SND1: variants seen among roughly 807,000 people sequenced by gnomAD.
SND1 encodes staphylococcal nuclease and tudor domain containing 1.
A neutral mutation model predicts 121.7 loss-of-function variants in SND1; 38 were observed. The ratio of observed to expected loss-of-function variants is 0.31; its 90% CI spans 0.24 to 0.41. SND1 has a LOEUF of 0.41. SND1 is among the 10% of genes least tolerant of loss of function. SND1 has a pLI of 1.00. For missense variants in SND1, 868 were observed against 1,184.6 expected, an observed-to-expected ratio of 0.73 and a Z score of 3.92; for synonymous variants, 401 against 447.4, an observed-to-expected ratio of 0.90 and a Z score of 1.31.
intron 1 of SND1, among the ~76,000 whole-genome samples, chr7:127,658,266 G>T (rs1330060098): frequency 6.6e-6 from 1 of 152,218 alleles, no homozygotes; most frequent in African/African-American, 2.4e-5. Context: ...AGTGAACTGA[G>T]ATCGAGCCAT....
chr7:127,975,552 A>C (rs1157213091), intron 15 of SND1, among the ~76,000 whole-genome samples: 2 of 152,182 alleles, frequency 1.3e-5, no homozygotes, highest in Middle Eastern at 6.8e-3. Flanking sequence ...GTGATACTAC[A>C]CAAGAATGGC....
intron 13 of SND1, among the ~76,000 whole-genome samples, chr7:127,899,296 A>ACG (rs1800181898): frequency 6.6e-6 from 1 of 152,008 alleles, no homozygotes; most frequent in African/African-American, 2.4e-5. Context: ...ACACACACAC[A>ACG]CACATTATAC....
At chr7:127,799,565 A>G (rs1023754279) in intron 10 of SND1, among the ~76,000 whole-genome samples, 2 of 152,230 alleles carry the variant, frequency 1.3e-5, no homozygotes, top group African/African-American at 4.8e-5. Context: ...TAAGGGAGGT[A>G]GTTATCTTCA....
chr7:127,670,015 G>A, intron 1 of SND1, among the ~76,000 whole-genome samples: 1 of 107,722 alleles, frequency 9.3e-6, no homozygotes, highest in South Asian at 2.8e-4. Context: ...TTTTTTTTTT[G>A]AGACAGAGTC....
Position 127,691,285 on chromosome 7 carries a change from G to A in SND1, c.229-3543G>A, listed in dbSNP as rs148214104. Among the ~76,000 whole-genome samples, 92 of 152,260 alleles carry A rather than the reference G, an allele frequency of 6.0e-4. 3 individuals are homozygous for A. In the East Asian group the frequency reaches 0.018, roughly 30 times the overall value. On this transcript the variant is annotated intron_variant, in intron 2 of 23. Transcript: ENST00000354725. ...TGGCTGGGCGCAGTGGCTTATGCCT[G>A]TAATGCCAGCACTTTGGGAGGCCGA...
intron 16 of SND1, among the ~76,000 whole-genome samples, chr7:128,040,570 AT>A: frequency 6.6e-6 from 1 of 151,948 alleles, no homozygotes; most frequent in Non-Finnish European, 1.5e-5. Flanking sequence ...TCCAGAGAAA[AT>A]TTTAGCATCT....
intron 12 of SND1, among the ~76,000 whole-genome samples, chr7:127,884,132 A>T (rs2116723797): frequency 6.6e-6 from 1 of 152,192 alleles, no homozygotes; most frequent in Admixed American, 6.5e-5. Context: ...GGCCAGTAGG[A>T]GCCAGGACTT....
At chr7:127,724,949 C>A (rs1796555795) in intron 10 of SND1, among the ~76,000 whole-genome samples, 1 of 152,066 alleles carries the variant, frequency 6.6e-6, no homozygotes, top group Non-Finnish European at 1.5e-5. Flanking sequence ...TGCCTTTTGA[C>A]TTAAAGAAAT....
At chr7:127,971,988 T>C (rs1458862048) in intron 15 of SND1, among the ~76,000 whole-genome samples, 3 of 152,090 alleles carry the variant, frequency 2.0e-5, no homozygotes, top group African/African-American at 7.2e-5. Context: ...TTGCCCAGGC[T>C]GGTCTCGAAC....
At chr7:127,779,928 G>A (rs1290609879) in intron 10 of SND1, among the ~76,000 whole-genome samples, 4 of 152,212 alleles carry the variant, frequency 2.6e-5, no homozygotes, top group African/African-American at 7.2e-5. Flanking sequence ...CTCTTACTGA[G>A]CAGCCATAGT....
At chr7:127,699,092 T>C in intron 4 of SND1, 139 bp downstream of exon 4, 2 of 670,580 alleles carry the variant, frequency 3.0e-6, no homozygotes, top group Non-Finnish European at 2.6e-6. Flanking sequence ...TGGATTATTC[T>C]GAGCTAGGAA....
chr7:127,793,698 A>G (rs1797958106), intron 10 of SND1, among the ~76,000 whole-genome samples: 1 of 152,192 alleles, frequency 6.6e-6, no homozygotes, highest in Non-Finnish European at 1.5e-5. Flanking sequence ...GTGTTCTCAC[A>G]GATCAAGGCA....
Position 128,081,371 on chromosome 7 carries a change from C to T in SND1, c.1980C>T (p.His660=). The T allele has an allele frequency of 6.2e-7, 1 of 1,614,174 alleles. No individual in the cohort carries two copies. The highest frequency in any genetic ancestry group is 8.5e-7 in the Non-Finnish European group (1 of 1,180,030). The change falls in exon 18 of 24, where the codon CAC becomes CAT. Residue 660 remains histidine, a synonymous_variant. Coordinates refer to ENST00000354725, the MANE Select transcript of SND1 (RefSeq NM_014390.4). ...AKQKKEKVWA[H]YEEQPVEEVM... is the part of the protein sequence containing the mutation. Reference sequence around the variant, plus strand: ...GACTGAACATGCAGGTCTGGGCCCACTATGAGGAGCAGCCCGTGGAGGAGG... The same window carrying T: ...GACTGAACATGCAGGTCTGGGCCCATTATGAGGAGCAGCCCGTGGAGGAGG...
chr7:127,858,357 C>G, intron 12 of SND1: 1 of 1,354,704 alleles, frequency 7.4e-7, no homozygotes, highest in Admixed American at 1.9e-5. Context: ...TGCCTCAGTG[C>G]CCTAGCCACT....
At chr7:128,011,144 A>C (rs960333671) in intron 16 of SND1, among the ~76,000 whole-genome samples, 3 of 151,896 alleles carry the variant, frequency 2.0e-5, no homozygotes, top group Non-Finnish European at 4.4e-5. Flanking sequence ...TATATAATTA[A>C]TCCTCTCTAA....
chr7:127,985,620 A>G (rs1446510085), intron 15 of SND1, among the ~76,000 whole-genome samples: 1 of 152,228 alleles, frequency 6.6e-6, no homozygotes, highest in East Asian at 1.9e-4. Context: ...CACCAATAAC[A>G]TACCTTTTAC....
Position 127,887,932 on chromosome 7 carries a change from T to G in SND1, c.1374T>G (p.Gly458=), listed in dbSNP as rs995618688. The change falls in exon 13 of 24, where the codon GGT becomes GGG. Residue 458 remains glycine (G), a synonymous_variant. Coordinates refer to ENST00000354725, the MANE Select transcript of SND1 (RefSeq NM_014390.4). ...TTGCTGAGGCTCTTGTCAGCAAAGG[T>G]CTAGCCACAGTGATCAGATACCGGC... ...INIAEALVSK[G]LATVIRYRQD... 4 of 1,612,044 alleles carry G rather than the reference T, an allele frequency of 2.5e-6. No individual in the cohort carries two copies. The highest frequency in any genetic ancestry group is 3.4e-6 in the Non-Finnish European group (4 of 1,178,852).
chr7:128,065,380 G>A (rs545837518), intron 16 of SND1, among the ~76,000 whole-genome samples: 4 of 152,326 alleles, frequency 2.6e-5, no homozygotes, highest in South Asian at 2.1e-4. Context: ...GGCCCCATTG[G>A]GGGGGTCACA....
chr7:127,746,679 T>C (rs146084084), intron 10 of SND1, among the ~76,000 whole-genome samples: 2 of 152,350 alleles, frequency 1.3e-5, no homozygotes, highest in Non-Finnish European at 2.9e-5. Flanking sequence ...CTTTTCTTAC[T>C]AATTCCTTCT....
Sources: allele counts gnomAD v4.1 joint callset (sites outside exome capture counted in the v4.1 genomes callset), GRCh38; gene constraint gnomAD v4.1.1; transcripts MANE v1.5; gene names NCBI Gene and HGNC (gene_info 2026-07-23, HGNC 2026-07-21).